MRPS28: variants seen among roughly 807,000 people sequenced by gnomAD.
MRPS28 encodes mitochondrial ribosomal protein S28.
In MRPS28, 7 loss-of-function variants were observed where a neutral mutation model predicts 10.8. That is an observed-to-expected ratio of 0.65 (90% CI 0.37 to 1.22). MRPS28 has a LOEUF of 1.22. Ranked by LOEUF, MRPS28 falls within the 50% of genes most tolerant of loss-of-function variation. MRPS28 has a pLI of 0.02. For missense variants in MRPS28, 265 were observed against 232.9 expected (o/e 1.14, Z -0.90); for synonymous variants, 121 against 93.3 (o/e 1.30, Z -1.71).
intron 1 of MRPS28, among the ~76,000 whole-genome samples, chr8:80,018,243 C>T (rs1004426185): frequency 3.1e-5 from 4 of 128,800 alleles, no homozygotes; most frequent in Non-Finnish European, 6.1e-5. Flanking sequence ...TCGCAGTGAG[C>T]CGAGATCGTG....
chr8:80,029,671 G>A, intron 1 of MRPS28: 1 of 1,262,400 alleles, frequency 7.9e-7, no homozygotes, highest in Non-Finnish European at 1.1e-6. Context: ...AGACCCAGCA[G>A]AGCCCTGCCT....
chr8:79,966,899 A>C (rs1205016008), intron 2 of MRPS28, among the ~76,000 whole-genome samples: 3 of 152,144 alleles, frequency 2.0e-5, no homozygotes, highest in Non-Finnish European at 2.9e-5. Context: ...CCAAGGTATA[A>C]ATTGTTTGAG....
rs139831735 is a variant in MRPS28, at chr8:79,931,318, T to C, written c.396-12170A>G. ...ACTTCCTAAATCAGTGGTTATGACA[T>C]AGAAAAAGATCTCAAAATCTTGGAG... is the stretch of plus-strand genomic sequence containing the variant. On this transcript the variant is annotated intron_variant, in intron 2 of 2. Coordinates refer to ENST00000276585, the MANE Select transcript of MRPS28 (RefSeq NM_014018.3). 2.6e-3 allele frequency among the ~76,000 whole-genome samples: 400 copies of C among 152,270 alleles called. 1 individual carries two copies. The highest frequency in any genetic ancestry group is 8.7e-3 in the African/African-American group (363 of 41,570).
chr8:79,977,634 T>C (rs139877640), intron 2 of MRPS28, among the ~76,000 whole-genome samples: 7,289 of 152,196 alleles, frequency 0.048, 236 homozygotes, highest in Non-Finnish European at 0.07. Flanking sequence ...CTGGCCAACA[T>C]GGCGAAATCC....
chr8:80,017,672 T>C (rs556807331), intron 1 of MRPS28, among the ~76,000 whole-genome samples: 51 of 152,274 alleles, frequency 3.3e-4, no homozygotes, highest in African/African-American at 1.2e-3. Context: ...ACCAAACATT[T>C]AAAGAAGAAA....
intron 2 of MRPS28, among the ~76,000 whole-genome samples, chr8:79,924,003 TAGAG>T (rs1810167452): frequency 1.3e-5 from 2 of 152,188 alleles, no homozygotes; most frequent in South Asian, 2.1e-4. Flanking sequence ...AGACTTAAAA[TAGAG>T]AGAATCTCTC....
rs888444083 is a variant in MRPS28, at chr8:79,984,149, C to A, written c.395+18850G>T. Among the ~76,000 whole-genome samples the A allele has an allele frequency of 5.9e-5, 9 of 152,184 alleles. No homozygotes were observed. In the East Asian group the frequency reaches 1.2e-3, roughly 20 times the overall value. ...ATTCTTAAAGAAAAGAATTTTCAAC[C>A]CAGAAGTTCATATCCAGCCAAACTA... On this transcript the variant is annotated intron_variant, in intron 2 of 2. Transcript: ENST00000276585.
intron 1 of MRPS28, among the ~76,000 whole-genome samples, chr8:80,021,750 G>A (rs551456190): frequency 1.3e-5 from 2 of 152,268 alleles, no homozygotes; most frequent in Non-Finnish European, 2.9e-5. Flanking sequence ...TGCTGGGCCC[G>A]AGAGACCAGT....
chr8:80,001,666 T>A (rs986463066), intron 2 of MRPS28, among the ~76,000 whole-genome samples: 1 of 152,198 alleles, frequency 6.6e-6, no homozygotes, highest in Non-Finnish European at 1.5e-5. Flanking sequence ...TCTCCCTACT[T>A]TTGAACTAAG....
chr8:80,023,012 T>C (rs1225598403), intron 1 of MRPS28, among the ~76,000 whole-genome samples: 1 of 152,236 alleles, frequency 6.6e-6, no homozygotes, highest in African/African-American at 2.4e-5. Flanking sequence ...ATAAGCATGT[T>C]ACAGGTGTTA....
intron 1 of MRPS28, among the ~76,000 whole-genome samples, chr8:80,024,499 A>T (rs777767565): frequency 6.6e-6 from 1 of 152,156 alleles, no homozygotes; most frequent in Admixed American, 6.5e-5. Context: ...TCCTGGCTGC[A>T]GGGGAAAGTT....
At chr8:79,939,957 G>C (rs1806722110) in intron 2 of MRPS28, among the ~76,000 whole-genome samples, 1 of 144,856 alleles carries the variant, frequency 6.9e-6, no homozygotes, top group Non-Finnish European at 1.5e-5. Flanking sequence ...ACAAGCGACA[G>C]AGCAAGACTC....
chr8:79,959,319 A>G (rs1345166694), intron 2 of MRPS28, among the ~76,000 whole-genome samples: 1 of 152,098 alleles, frequency 6.6e-6, no homozygotes, highest in Non-Finnish European at 1.5e-5. Flanking sequence ...AAAAAGCTAT[A>G]AAATATGAAA....
At chr8:79,969,663 C>T (rs755769979) in intron 2 of MRPS28, among the ~76,000 whole-genome samples, 7 of 151,938 alleles carry the variant, frequency 4.6e-5, no homozygotes, top group Non-Finnish European at 8.8e-5. Flanking sequence ...ATTGCTTGAG[C>T]CCAGGAGTCT....
chr8:79,996,441 C>T (rs530914347), intron 2 of MRPS28, among the ~76,000 whole-genome samples: 2 of 152,324 alleles, frequency 1.3e-5, no homozygotes, highest in East Asian at 1.9e-4. Flanking sequence ...ACAGCAGAAA[C>T]TTCTTTCTCA....
chr8:80,028,300 T>A (rs1030023503), intron 1 of MRPS28, among the ~76,000 whole-genome samples: 5 of 152,040 alleles, frequency 3.3e-5, no homozygotes, highest in Non-Finnish European at 5.9e-5. Context: ...TTCCTATACA[T>A]ATATTTGGAA....
At chr8:80,010,849 G>T (rs1448579843) in intron 1 of MRPS28, among the ~76,000 whole-genome samples, 1 of 152,226 alleles carries the variant, frequency 6.6e-6, no homozygotes, top group African/African-American at 2.4e-5. Flanking sequence ...AAAATCCTTA[G>T]CACAAAAGGG....
At chr8:79,998,385 T>A (rs1323803718) in intron 2 of MRPS28, among the ~76,000 whole-genome samples, 1 of 152,200 alleles carries the variant, frequency 6.6e-6, no homozygotes, top group Non-Finnish European at 1.5e-5. Context: ...AGGCTGGTAC[T>A]ATAAGGTCCC....
chr8:79,940,450 C>T (rs1237013894), intron 2 of MRPS28, among the ~76,000 whole-genome samples: 1 of 152,202 alleles, frequency 6.6e-6, no homozygotes, highest in Non-Finnish European at 1.5e-5. Flanking sequence ...AAAAGTTTCT[C>T]TTACCAAATT....
Sources: gnomAD v4.1 joint callset for allele counts (sites outside exome capture counted in the v4.1 genomes callset) on GRCh38, gnomAD v4.1.1 for gene constraint, MANE v1.5 for transcripts, NCBI Gene and HGNC (gene_info 2026-07-23, HGNC 2026-07-21) for gene names.